Variants in NFX1 observed in about 807,000 individuals in gnomAD.
NFX1 encodes the protein transcriptional repressor NF-X1.
NFX1 carries 69 observed loss-of-function variants against 137.2 expected under a neutral mutation model. The observed-to-expected ratio is 0.50, with a 90% confidence interval of 0.41 to 0.61. NFX1 has a LOEUF of 0.61. NFX1 is among the 20% of genes least tolerant of loss of function. NFX1 has a pLI of 0.00. For missense variants in NFX1, 1,167 were observed against 1,391.0 expected, an observed-to-expected ratio of 0.84 and a Z score of 2.56; for synonymous variants, 495 against 474.1, an observed-to-expected ratio of 1.04 and a Z score of -0.57.
intron 1 of NFX1, among the ~76,000 whole-genome samples, chr9:33,293,811 T>C (rs1029915997): frequency 6.6e-6 from 1 of 152,226 alleles, no homozygotes; most frequent in Non-Finnish European, 1.5e-5. Flanking sequence ...ACCCAAAATA[T>C]ATTCCTAGGG....
chr9:33,362,656 A>G (rs1197711764), intron 19 of NFX1, among the ~76,000 whole-genome samples: 1 of 151,510 alleles, frequency 6.6e-6, no homozygotes, highest in African/African-American at 2.4e-5. Flanking sequence ...CAGTGGATAT[A>G]AAGTTACAAA....
chr9:33,343,935 T>C, intron 13 of NFX1, 134 bp from the exon 14 acceptor site: 1 of 1,152,342 alleles, frequency 8.7e-7, no homozygotes, highest in Non-Finnish European at 1.2e-6. Flanking sequence ...AAAACCTCTT[T>C]TGAAAAAAGT....
chr9:33,342,816 C>G lies in NFX1; in HGVS notation c.2186C>G (p.Pro729Arg). Residue 729 changes from proline to arginine, a missense_variant, in exon 13 of 24, where the codon CCT becomes CGT. Pro to Arg is a moderately radical substitution (Grantham distance 103). Around this residue, in one of 3 missense-constraint regions of NFX1, gnomAD observed 488 missense variants for 691.5 expected, o/e 0.71. Coordinates refer to ENST00000379540, the MANE Select transcript of NFX1 (RefSeq NM_002504.6). ...TGTGGCCTTCATAGGTGTGAAGAAC[C>G]TTGTCATCGTGGAAACTGCCAGACA... ...LRCGLHRCEE[P>R]CHRGNCQTCW... The G allele has an allele frequency of 6.2e-7, 1 of 1,613,630 alleles. No homozygotes were observed.
At chr9:33,345,700 G>T (rs553738386) in intron 14 of NFX1, among the ~76,000 whole-genome samples, 2 of 151,890 alleles carry the variant, frequency 1.3e-5, no homozygotes, top group African/African-American at 2.4e-5. Flanking sequence ...CTGTCCCCTT[G>T]TAAGTATTTT....
chr9:33,315,032 C>T (rs773755669), intron 7 of NFX1, among the ~76,000 whole-genome samples: 1 of 152,198 alleles, frequency 6.6e-6, no homozygotes, highest in South Asian at 2.1e-4. Flanking sequence ...TTCTCTTCCT[C>T]TCCATTACTG....
intron 3 of NFX1, 21 bp from the exon 4 acceptor site, chr9:33,303,170 T>A: frequency 6.2e-7 from 1 of 1,607,322 alleles, no homozygotes; most frequent in Non-Finnish European, 8.5e-7. Context: ...TTATTTGGCC[T>A]ACTCCCATTT....
intron 2 of NFX1, among the ~76,000 whole-genome samples, chr9:33,299,450 C>T (rs72723049): frequency 0.012 from 1,818 of 152,064 alleles, 20 homozygotes; most frequent in Non-Finnish European, 0.02. Context: ...TTTGGGAAAC[C>T]GAGTCAAGAG....
At chr9:33,324,665 T>C (rs1822510942) in intron 9 of NFX1, among the ~76,000 whole-genome samples, 1 of 152,104 alleles carries the variant, frequency 6.6e-6, no homozygotes. Flanking sequence ...CAGTGGCTCA[T>C]GCCTGTAATC....
chr9:33,303,168 C>G (rs1010534485), intron 3 of NFX1, 23 bp from the exon 4 acceptor site: 1 of 1,604,364 alleles, frequency 6.2e-7, no homozygotes, highest in Non-Finnish European at 8.5e-7. Flanking sequence ...ATTTATTTGG[C>G]CTACTCCCAT....
At chr9:33,335,251 A>G (rs1822959213) in intron 11 of NFX1, among the ~76,000 whole-genome samples, 1 of 120,348 alleles carries the variant, frequency 8.3e-6, no homozygotes, top group South Asian at 2.4e-4. Context: ...TTTTTTTGAG[A>G]CGGAGTTTTG....
At chr9:33,353,016 C>T (rs952705351) in intron 17 of NFX1, 6 of 306,766 alleles carry the variant, frequency 2.0e-5, no homozygotes, top group Non-Finnish European at 3.6e-5. Context: ...GTGCTGGGAT[C>T]ACAGGCGTGA....
chr9:33,356,415 T>C (rs892667685), intron 19 of NFX1, among the ~76,000 whole-genome samples: 1 of 152,218 alleles, frequency 6.6e-6, no homozygotes, highest in African/African-American at 2.4e-5. Flanking sequence ...TGTTGCACTC[T>C]GTACCTTCAT....
intron 9 of NFX1, among the ~76,000 whole-genome samples, chr9:33,324,051 G>T (rs993951840): frequency 3.3e-5 from 5 of 152,162 alleles, no homozygotes; most frequent in Non-Finnish European, 2.9e-5. Context: ...AGACCAGCCT[G>T]AGCACGTAGT....
intron 19 of NFX1, among the ~76,000 whole-genome samples, chr9:33,362,306 C>G (rs1286956619): frequency 6.6e-6 from 1 of 151,986 alleles, no homozygotes; most frequent in Non-Finnish European, 1.5e-5. Context: ...GTAGAGATAC[C>G]TGTACTCTCA....
intron 9 of NFX1, among the ~76,000 whole-genome samples, chr9:33,324,249 C>T (rs1822495646): frequency 6.6e-6 from 1 of 152,056 alleles, no homozygotes; most frequent in African/African-American, 2.4e-5. Context: ...TGTGGCGGCA[C>T]ACGCCTGTAA....
intron 1 of NFX1, among the ~76,000 whole-genome samples, chr9:33,293,202 G>A (rs759309570): frequency 1.3e-5 from 2 of 152,236 alleles, no homozygotes; most frequent in Non-Finnish European, 2.9e-5. Context: ...CCTTGGGCAA[G>A]TTCCTACTCT....
chr9:33,296,011 A>G (rs949639031), intron 2 of NFX1, among the ~76,000 whole-genome samples: 1 of 151,872 alleles, frequency 6.6e-6, no homozygotes, highest in Admixed American at 6.6e-5. Flanking sequence ...GCTCACTGCA[A>G]CTCCTCCTGG....
At chr9:33,317,705 G>C (rs183367103) in intron 7 of NFX1, among the ~76,000 whole-genome samples, 2 of 151,576 alleles carry the variant, frequency 1.3e-5, no homozygotes, top group Non-Finnish European at 2.9e-5. Context: ...GCCGGGCGTG[G>C]TGGCTCACGC....
chr9:33,363,297 TA>T (rs1824068241), intron 19 of NFX1, among the ~76,000 whole-genome samples: 2 of 144,832 alleles, frequency 1.4e-5, no homozygotes, highest in Admixed American at 1.4e-4. Flanking sequence ...TTATTATTAT[TA>T]TTTTTAGACA....
Sources: gnomAD v4.1 joint callset for allele counts (sites outside exome capture counted in the v4.1 genomes callset) on GRCh38, gnomAD v4.1.1 for gene constraint, gnomAD v4.1.1 regional missense constraint, MANE v1.5 for transcripts, NCBI Gene and HGNC (gene_info 2026-07-23, HGNC 2026-07-21) for gene names.